The following NXN variants were observed in gnomAD, a reference collection of about 807,000 sequenced individuals.
The protein encoded by NXN is nucleoredoxin.
NXN carries 16 observed loss-of-function variants against 48.6 expected under a neutral mutation model. The observed-to-expected ratio is 0.33, with a 90% CI of 0.22 to 0.50. The LOEUF (loss-of-function observed/expected upper bound fraction) is 0.50. Ranked by LOEUF, NXN falls within the 20% of genes least tolerant of loss-of-function variation. The probability of loss-of-function intolerance (pLI) is 0.98; values close to 1 mark genes in which losing one functional copy is unlikely to be tolerated. For missense variants in NXN, 492 were observed against 605.5 expected (o/e 0.81, Z 1.97); for synonymous variants, 281 against 269.6 (o/e 1.04, Z -0.41).
Position 898,863 on chromosome 17 carries a change from A to G in NXN, c.361-72785T>C, listed in dbSNP as rs1055356057. Among the ~76,000 whole-genome samples, 5 of 70,806 alleles carry G rather than the reference A, an allele frequency of 7.1e-5. 2 individuals carry two copies. Among genetic ancestry groups the G allele is most frequent in the Non-Finnish European group, 2.2e-4 (5 of 23,126 alleles). 46.5% of individuals were successfully genotyped at this position (70,806 alleles called of 152,430 possible). On this transcript the variant is annotated intron_variant, in intron 1 of 7. Transcript: ENST00000336868. ...AGACTGTCTCAAAAAAACAAAAACAAAACAAAAAAACTACTCTGAAAGTCA... is the reference window on the plus strand; with the variant it reads ...AGACTGTCTCAAAAAAACAAAAACAGAACAAAAAAACTACTCTGAAAGTCA...
At chr17:963,901 C>T (rs2069269939) in intron 1 of NXN, among the ~76,000 whole-genome samples, 1 of 151,084 alleles carries the variant, frequency 6.6e-6, no homozygotes, top group Non-Finnish European at 1.5e-5. Flanking sequence ...CGTGGTGAAA[C>T]CCCGTCTCTA....
At chr17:943,609 G>C (rs985140428) in intron 1 of NXN, among the ~76,000 whole-genome samples, 1 of 152,064 alleles carries the variant, frequency 6.6e-6, no homozygotes, top group Non-Finnish European at 1.5e-5. Context: ...ATCACTTGAG[G>C]CCAGGAGTTC....
At chr17:882,531 T>C (rs563562844) in intron 1 of NXN, among the ~76,000 whole-genome samples, 250 of 152,224 alleles carry the variant, frequency 1.6e-3, no homozygotes, top group African/African-American at 5.5e-3. Context: ...AGTGGCGCAA[T>C]CTCGGCTCAC....
chr17:838,361 A>AC (rs1244312583), intron 1 of NXN, among the ~76,000 whole-genome samples: 1 of 151,726 alleles, frequency 6.6e-6, no homozygotes, highest in Non-Finnish European at 1.5e-5. Context: ...CAAACTCCTG[A>AC]CCTCAGGTGA....
At chr17:926,337 C>T (rs897062567) in intron 1 of NXN, among the ~76,000 whole-genome samples, 25 of 152,052 alleles carry the variant, frequency 1.6e-4, no homozygotes, top group African/African-American at 4.8e-4. Flanking sequence ...CAGGCATGCA[C>T]CACTACACCC....
chr17:851,760 G>T (rs1032008051), intron 1 of NXN, among the ~76,000 whole-genome samples: 1 of 152,224 alleles, frequency 6.6e-6, no homozygotes, highest in Non-Finnish European at 1.5e-5. Flanking sequence ...TATTGCTATT[G>T]TAAGTGGAGA....
rs1009887712 is a variant in NXN at position 956,654 on chromosome 17, A to T, written c.360+22665T>A. On this transcript the variant is annotated intron_variant, in intron 1 of 7. Transcript: ENST00000336868. The surrounding 1 kb of genome is among the most constrained non-coding windows in gnomAD (Gnocchi z 4.1). Reference sequence around the variant, plus strand: ...GGTCTCGATCTCCAGACCTCAGGTGATCCGTCCACCTCAGCCTCCCAAAGT... The same window carrying T: ...GGTCTCGATCTCCAGACCTCAGGTGTTCCGTCCACCTCAGCCTCCCAAAGT... Among the ~76,000 whole-genome samples, 2 of 152,150 alleles carry T rather than the reference A, an allele frequency of 1.3e-5. No individual in the cohort carries two copies. Among genetic ancestry groups the T allele is most frequent in the Non-Finnish European group, 1.5e-5 (1 of 68,028 alleles).
At chr17:852,985 T>C (rs1040625258) in intron 1 of NXN, among the ~76,000 whole-genome samples, 1 of 146,258 alleles carries the variant, frequency 6.8e-6, no homozygotes, top group African/African-American at 2.5e-5. Context: ...AAATTTTTTC[T>C]TTTTTTTTTT....
intron 1 of NXN, among the ~76,000 whole-genome samples, chr17:906,861 C>T (rs1399306284): frequency 6.6e-6 from 1 of 152,082 alleles, no homozygotes; most frequent in East Asian, 1.9e-4. Flanking sequence ...CGTGAGCCAC[C>T]GTGCCCGGCT....
intron 1 of NXN, among the ~76,000 whole-genome samples, chr17:858,189 G>C (rs1009169958): frequency 4.0e-5 from 6 of 151,586 alleles, no homozygotes; most frequent in African/African-American, 1.5e-4. Flanking sequence ...GCTAATTTTT[G>C]TATTTTTTCT....
chr17:968,755 T>C (rs997943747), intron 1 of NXN, among the ~76,000 whole-genome samples: 8 of 151,830 alleles, frequency 5.3e-5, no homozygotes, highest in Admixed American at 2.6e-4. Context: ...CTCGTCAAGA[T>C]AGTGAAACCC....
intron 1 of NXN, among the ~76,000 whole-genome samples, chr17:966,607 A>G (rs1013567665): frequency 6.6e-6 from 1 of 151,258 alleles, no homozygotes; most frequent in African/African-American, 2.4e-5. Flanking sequence ...TCAGCCTCCC[A>G]AAGTGCTGGG....
intron 1 of NXN, among the ~76,000 whole-genome samples, chr17:853,723 A>ATATATATATATTTTT (rs1491528474): frequency 1.0e-4 from 11 of 105,972 alleles, no homozygotes; most frequent in African/African-American, 3.0e-4. Flanking sequence ...ATATATATAT[A>ATATATATATATTTTT]TTTTTTTTTT....
intron 1 of NXN, among the ~76,000 whole-genome samples, chr17:866,876 G>A (rs1177127862): frequency 1.3e-5 from 2 of 152,260 alleles, no homozygotes; most frequent in Admixed American, 6.5e-5. Flanking sequence ...TTCAAATACT[G>A]CAAACCCTCA....
intron 1 of NXN, among the ~76,000 whole-genome samples, chr17:860,275 C>T (rs1422294273): frequency 5.3e-5 from 8 of 152,226 alleles, no homozygotes; most frequent in African/African-American, 1.7e-4. Context: ...AGGCGTGTGC[C>T]GCCGCGCCCG....
intron 1 of NXN, among the ~76,000 whole-genome samples, chr17:838,256 C>T (rs896862663): frequency 1.1e-4 from 17 of 151,326 alleles, no homozygotes; most frequent in East Asian, 2.0e-4. Context: ...CTCCGCCTCC[C>T]GAGTAGCTGG....
intron 2 of NXN, among the ~76,000 whole-genome samples, chr17:824,207 TG>T (rs1324433716): frequency 1.3e-5 from 2 of 151,814 alleles, no homozygotes; most frequent in Non-Finnish European, 2.9e-5. Flanking sequence ...GCCCGGCTAA[TG>T]TTTTTTTTCT....
chr17:967,897 A>G (rs554720355), intron 1 of NXN, among the ~76,000 whole-genome samples: 17 of 152,124 alleles, frequency 1.1e-4, no homozygotes, highest in African/African-American at 3.9e-4. Flanking sequence ...GTGTGAACCC[A>G]GGAGGCGGAG....
intron 1 of NXN, among the ~76,000 whole-genome samples, chr17:837,592 C>G (rs555163725): frequency 2.6e-5 from 4 of 152,332 alleles, no homozygotes; most frequent in African/African-American, 9.6e-5. Context: ...CCACGGCTCC[C>G]CCTTGTTCCT....
Sources: gnomAD v4.1 joint callset for allele counts (sites outside exome capture counted in the v4.1 genomes callset) on GRCh38, gnomAD v4.1.1 for gene constraint, Gnocchi (gnomAD v3.1) non-coding constraint, MANE v1.5 for transcripts, NCBI Gene and HGNC (gene_info 2026-07-23, HGNC 2026-07-21) for gene names.